Variants in SNTG1 observed in about 807,000 individuals in gnomAD.
SNTG1 encodes the protein syntrophin gamma 1.
A neutral mutation model predicts 74.7 loss-of-function variants in SNTG1; 39 were observed. The observed-to-expected ratio is 0.52, with a 90% CI of 0.40 to 0.68. SNTG1 has a LOEUF of 0.68. Ranked by LOEUF, SNTG1 falls within the 30% of genes least tolerant of loss-of-function variation. The probability of loss-of-function intolerance (pLI) is 0.00; values close to 1 mark genes in which losing one functional copy is unlikely to be tolerated. For missense variants in SNTG1, 685 were observed against 609.5 expected, an observed-to-expected ratio of 1.12 and a Z score of -1.30; for synonymous variants, 254 against 217.1, an observed-to-expected ratio of 1.17 and a Z score of -1.49.
intron 9 of SNTG1, among the ~76,000 whole-genome samples, chr8:50,514,128 G>A (rs528928103): frequency 1.2e-4 from 19 of 152,076 alleles, no homozygotes; most frequent in South Asian, 2.1e-4. Flanking sequence ...TCAAGGTTTC[G>A]TCAATATTGT....
chr8:50,419,811 C>A (rs2093058978), intron 4 of SNTG1, among the ~76,000 whole-genome samples: 1 of 151,626 alleles, frequency 6.6e-6, no homozygotes, highest in Non-Finnish European at 1.5e-5. Context: ...ACCATTGAAA[C>A]AAATGAGAAA....
At chr8:49,979,063 A>C (rs1362570049) in intron 1 of SNTG1, among the ~76,000 whole-genome samples, 1 of 152,228 alleles carries the variant, frequency 6.6e-6, no homozygotes, top group Non-Finnish European at 1.5e-5. Context: ...AAATCATTCT[A>C]TTTCGGTACA....
At chr8:50,542,438 T>C (rs1388901077) in intron 11 of SNTG1, among the ~76,000 whole-genome samples, 1 of 152,250 alleles carries the variant, frequency 6.6e-6, no homozygotes. Flanking sequence ...ATTAAAGGCA[T>C]GAGCCACCGC....
chr8:50,358,040 C>A (rs2091865715), intron 2 of SNTG1, among the ~76,000 whole-genome samples: 1 of 152,050 alleles, frequency 6.6e-6, no homozygotes, highest in Non-Finnish European at 1.5e-5. Context: ...CATAAAGTCC[C>A]TTTCCAGCCA....
intron 1 of SNTG1, among the ~76,000 whole-genome samples, chr8:50,112,522 T>C (rs893363188): frequency 4.5e-5 from 6 of 132,896 alleles, no homozygotes; most frequent in African/African-American, 1.5e-4. Flanking sequence ...TTTCTTTTTT[T>C]TTTTTTTTTT....
At chr8:50,165,113 C>G (rs184264896) in intron 1 of SNTG1, among the ~76,000 whole-genome samples, 63 of 152,156 alleles carry the variant, frequency 4.1e-4, no homozygotes, top group Admixed American at 1.8e-3. Context: ...TTGGATAGAA[C>G]AGTGTTGAGT....
At chr8:50,743,654 A>C (rs1468779283) in intron 17 of SNTG1, among the ~76,000 whole-genome samples, 5 of 144,468 alleles carry the variant, frequency 3.5e-5, no homozygotes, top group Non-Finnish European at 6.1e-5. Context: ...GGCAAGAAAA[A>C]AAAAAAGCCA....
chr8:50,238,695 TA>T (rs2086029545), intron 2 of SNTG1, among the ~76,000 whole-genome samples: 1 of 151,898 alleles, frequency 6.6e-6, no homozygotes, highest in Admixed American at 6.6e-5. Flanking sequence ...GTCAACAGAG[TA>T]AACAGACAAC....
intron 17 of SNTG1, among the ~76,000 whole-genome samples, chr8:50,714,804 C>T (rs1371461318): frequency 6.6e-6 from 1 of 151,946 alleles, no homozygotes; most frequent in Non-Finnish European, 1.5e-5. Context: ...CTAATTTACA[C>T]AGTGGAAAGA....
intron 17 of SNTG1, among the ~76,000 whole-genome samples, chr8:50,740,123 G>A (rs2095539444): frequency 6.6e-6 from 1 of 151,974 alleles, no homozygotes; most frequent in South Asian, 2.1e-4. Context: ...TTGGAAAATG[G>A]GATCTAATTA....
chr8:50,743,958 T>C (rs1044441456), intron 17 of SNTG1, among the ~76,000 whole-genome samples: 1 of 136,450 alleles, frequency 7.3e-6, no homozygotes, highest in Non-Finnish European at 1.5e-5. Context: ...ATGGCAAAAA[T>C]AGGAGCAGAG....
intron 1 of SNTG1, among the ~76,000 whole-genome samples, chr8:49,933,441 G>T (rs998330476): frequency 8.5e-5 from 13 of 152,086 alleles, no homozygotes; most frequent in Admixed American, 8.5e-4. Context: ...TTTCTTCTGA[G>T]AATTTAACAG....
chr8:50,779,172 A>G (rs1392660386), intron 18 of SNTG1, among the ~76,000 whole-genome samples: 3 of 152,090 alleles, frequency 2.0e-5, no homozygotes, highest in Non-Finnish European at 4.4e-5. Context: ...CTTAGGATGG[A>G]CTTCGCAATG....
intron 1 of SNTG1, among the ~76,000 whole-genome samples, chr8:50,075,954 C>A (rs774817612): frequency 6.6e-6 from 1 of 152,166 alleles, no homozygotes; most frequent in African/African-American, 2.4e-5. Context: ...ACACTCACCA[C>A]AAGGGTCTGC....
intron 1 of SNTG1, chr8:49,915,013 A>G (rs1805896979): frequency 6.6e-6 from 1 of 152,206 alleles, no homozygotes; most frequent in Non-Finnish European, 1.5e-5. Context: ...GGAAGAGACA[A>G]CATCCTGTGG....
intron 1 of SNTG1, among the ~76,000 whole-genome samples, chr8:50,071,721 G>A (rs545119806): frequency 3.3e-5 from 5 of 150,840 alleles, no homozygotes; most frequent in East Asian, 2.0e-4. Context: ...CAGATGATCC[G>A]CCTGCCTCGG....
intron 15 of SNTG1, among the ~76,000 whole-genome samples, chr8:50,702,888 C>T (rs2095430918): frequency 6.6e-6 from 1 of 150,378 alleles, no homozygotes; most frequent in Non-Finnish European, 1.5e-5. Flanking sequence ...TGTTTAAACA[C>T]ATCTACACAT....
intron 2 of SNTG1, among the ~76,000 whole-genome samples, chr8:50,274,787 T>C (rs1233198199): frequency 2.0e-5 from 3 of 152,218 alleles, no homozygotes; most frequent in Non-Finnish European, 4.4e-5. Context: ...CTCAACCAAA[T>C]TTCTGCATGT....
intron 2 of SNTG1, among the ~76,000 whole-genome samples, chr8:50,309,435 C>A (rs2090024534): frequency 6.6e-6 from 1 of 151,588 alleles, no homozygotes; most frequent in Non-Finnish European, 1.5e-5. Flanking sequence ...GTTTTGATTC[C>A]TTCGGCCCAC....
Sources: gnomAD v4.1 joint callset for allele counts (sites outside exome capture counted in the v4.1 genomes callset) on GRCh38, gnomAD v4.1.1 for gene constraint, MANE v1.5 for transcripts, NCBI Gene and HGNC (gene_info 2026-07-23, HGNC 2026-07-21) for gene names.